Variants in RSPH3 observed in about 807,000 individuals in gnomAD.
RSPH3 encodes radial spoke head protein 3 homolog.
RSPH3 carries 21 observed loss-of-function variants against 43.8 expected under a neutral mutation model. The observed-to-expected ratio is 0.48, with a 90% CI of 0.34 to 0.69. The LOEUF is 0.69. RSPH3 is among the 30% of genes least tolerant of loss of function. RSPH3 has a pLI of 0.01. For missense variants in RSPH3, 487 were observed against 516.0 expected (o/e 0.94, Z 0.54); for synonymous variants, 173 against 179.8 (o/e 0.96, Z 0.30).
At chr6:158,995,695 T>A (rs538378971) in intron 1 of RSPH3, among the ~76,000 whole-genome samples, 1 of 152,032 alleles carries the variant, frequency 6.6e-6, no homozygotes, top group Non-Finnish European at 1.5e-5. Flanking sequence ...CCTGGGTTCA[T>A]GCCATTCTCC....
At chr6:158,992,843 T>C (rs1778462470) in intron 2 of RSPH3, among the ~76,000 whole-genome samples, 1 of 152,182 alleles carries the variant, frequency 6.6e-6, no homozygotes, top group Non-Finnish European at 1.5e-5. Flanking sequence ...CTCTGTATCC[T>C]AGGTACCCAG....
At chr6:158,993,616 A>G (rs1255832262) in intron 2 of RSPH3, among the ~76,000 whole-genome samples, 1 of 152,018 alleles carries the variant, frequency 6.6e-6, no homozygotes, top group Non-Finnish European at 1.5e-5. Flanking sequence ...CTCTACACTC[A>G]TTAAACAATA....
the RSPH3 span, among the ~76,000 whole-genome samples, chr6:158,963,833 C>T: frequency 2.6e-5 from 4 of 152,102 alleles, no homozygotes; most frequent in Non-Finnish European, 5.9e-5. Context: ...CTCAAGCAAT[C>T]CTCTTGCCTT....
chr6:158,996,532 C>T (rs1778603106), intron 1 of RSPH3, among the ~76,000 whole-genome samples: 1 of 152,176 alleles, frequency 6.6e-6, no homozygotes, highest in African/African-American at 2.4e-5. Context: ...TAAAACTTCA[C>T]AGCTTTCCAA....
At chr6:158,993,775 GA>G in intron 2 of RSPH3, 63 bp downstream of exon 2, 4 of 864,448 alleles carry the variant, frequency 4.6e-6, no homozygotes, top group Non-Finnish European at 7.5e-6. Context: ...TTAACACCAA[GA>G]AACTGATCCT....
At chr6:158,980,695 A>C (rs903816273) in intron 6 of RSPH3, 79 bp downstream of exon 6, 1 of 1,188,850 alleles carries the variant, frequency 8.4e-7, no homozygotes, top group Non-Finnish European at 1.2e-6. Context: ...TTCAAAATAA[A>C]AATGGACATA....
Position 158,977,508 on chromosome 6 carries a change from G to A in RSPH3, c.*30C>T, listed in dbSNP as rs1237755012. The A allele has an allele frequency of 6.4e-7, 1 of 1,558,712 alleles. No individual in the cohort carries two copies. Among genetic ancestry groups the A allele is most frequent in the Middle Eastern group, 1.7e-4 (1 of 5,838 alleles). On this transcript the variant is annotated 3_prime_UTR_variant, in exon 8 of 8. Coordinates refer to ENST00000367069, the MANE Select transcript of RSPH3 (RefSeq NM_031924.8). Reference sequence around the variant, plus strand: ...CTGATTGCTTGCTGACTTGGCTGTTGATTGGTTTCATGACTTTGAAGCTTC... The same window carrying A: ...CTGATTGCTTGCTGACTTGGCTGTTAATTGGTTTCATGACTTTGAAGCTTC...
rs550698943 is a variant in RSPH3, at chr6:158,980,834, G to A, written c.799C>T (p.Leu267Phe). The change falls in exon 6 of 8, where the codon CTC becomes TTC. Residue 267 changes from leucine (L) to phenylalanine (F), a missense_variant. Physicochemically the swap from Leu to Phe is conservative, Grantham distance 22. Transcript: ENST00000367069. ...AFAQRYLADL[L>F]PSVFGSLRDS... is the part of the protein sequence containing the mutation. ...CTGAGGCTGCCAAAAACAGACGGGA[G>A]AAGGTCAGCCAGGTAACGCTGTGCA... The A allele has an allele frequency of 2.7e-5, 44 of 1,614,154 alleles. No individual in the cohort carries two copies. In the South Asian group the frequency reaches 4.6e-4, roughly 17 times the overall value.
chr6:158,999,349 C>G, intron 1 of RSPH3, 86 bp downstream of exon 1: 1 of 1,293,460 alleles, frequency 7.7e-7, no homozygotes, highest in Non-Finnish European at 1.0e-6. Flanking sequence ...GCATAAGCAG[C>G]TTTTTTGCCA....
intron 4 of RSPH3, 151 bp downstream of exon 4, chr6:158,983,511 A>G: frequency 1.4e-6 from 1 of 691,482 alleles, no homozygotes; most frequent in South Asian, 1.6e-5. Context: ...TGAGTACTAT[A>G]TGATAAAACC....
In RSPH3 at chr6:159,000,070, C is replaced by T; in HGVS notation, c.-520G>A. 1.6e-6 allele frequency: 2 copies of T among 1,279,536 alleles called. No homozygotes were observed. Among genetic ancestry groups the T allele is most frequent in the Non-Finnish European group, 2.1e-6 (2 of 941,070 alleles). The allele number at this position is 1,279,536 out of a possible 1,614,324, so 79.3% of individuals were successfully genotyped here. A position where few individuals can be genotyped will look rare whatever the true frequency, so the allele number is the denominator to read the frequency against. ...TGTTGGCGCCATTCTCGCAGGCCCA[C>T]GTGCTCCTGCTCTTCCAGGGTGTCC... On this transcript the variant is annotated 5_prime_UTR_variant, in exon 1 of 8. In the 5' UTR this introduces an upstream ATG that the reference lacks. Transcript: ENST00000367069.
intron 2 of RSPH3, among the ~76,000 whole-genome samples, chr6:158,990,995 A>G (rs1778387192): frequency 6.6e-6 from 1 of 151,090 alleles, no homozygotes; most frequent in Non-Finnish European, 1.5e-5. Context: ...TTTCCAATGT[A>G]CTACTGAGTC....
intron 6 of RSPH3, among the ~76,000 whole-genome samples, chr6:158,980,209 C>T (rs1242618243): frequency 1.3e-5 from 2 of 152,138 alleles, no homozygotes; most frequent in East Asian, 3.9e-4. Context: ...CCAAGGCAGG[C>T]GGATCACTTG....
At position 158,999,981 on chromosome 6, in the gene RSPH3, G is replaced by T. The variant is rs990850821; in HGVS notation, c.-431C>A. 25 of 1,574,948 alleles carry T rather than the reference G, an allele frequency of 1.6e-5. No homozygotes were observed. The highest frequency in any genetic ancestry group is 1.9e-5 in the Non-Finnish European group (22 of 1,159,266). The stretch of plus-strand genomic sequence containing the variant: ...CTTGGCTGGCTTGACCGTCATCCTT[G>T]AGGCCTGCGGGGCAACGGTGGCTGT... On this transcript the variant is annotated 5_prime_UTR_variant, in exon 1 of 8. Transcript: ENST00000367069.
chr6:158,983,496 A>C (rs1778108107), intron 4 of RSPH3, among the ~76,000 whole-genome samples, 166 bp downstream of exon 4: 1 of 152,204 alleles, frequency 6.6e-6, no homozygotes, highest in African/African-American at 2.4e-5. Flanking sequence ...ATGTTAAAAC[A>C]TTTCTGAGTA....
At position 158,977,627 on chromosome 6, in the gene RSPH3, C is replaced by T. The variant is rs1277702717; in HGVS notation, c.1168G>A (p.Glu390Lys). 6.2e-7 allele frequency: 1 copy of T among 1,614,022 alleles called. No homozygotes were observed. Among genetic ancestry groups the T allele is most frequent in the African/African-American group, 1.3e-5 (1 of 74,916 alleles). The change falls in exon 8 of 8, where the codon GAA becomes AAA. Residue 390 changes from glutamate (E) to lysine (K), a missense_variant. Physicochemically the swap from Glu to Lys is moderately conservative, Grantham distance 56 (BLOSUM62 1). Transcript: ENST00000367069. The stretch of plus-strand genomic sequence containing the variant: ...TCTCTCTCTTCCATAAACTTCCTTT[C>T]CTGGGATGACCTTCTGTCATATGTT... ...RTTYDRRSSQ[E>K]RKFMEERELL...
intron 5 of RSPH3, among the ~76,000 whole-genome samples, chr6:158,982,201 G>A (rs1250459352): frequency 1.3e-5 from 2 of 152,134 alleles, no homozygotes; most frequent in Non-Finnish European, 2.9e-5. Flanking sequence ...ATTTAAGAGA[G>A]TCTTCCAACT....
chr6:158,978,775 G>A (rs541392298), intron 6 of RSPH3, among the ~76,000 whole-genome samples: 2 of 152,244 alleles, frequency 1.3e-5, no homozygotes, highest in South Asian at 2.1e-4. Flanking sequence ...TCCTGACATC[G>A]TGATTCACCC....
At chr6:158,998,198 T>C (rs1161920263) in intron 1 of RSPH3, among the ~76,000 whole-genome samples, 2 of 144,030 alleles carry the variant, frequency 1.4e-5, no homozygotes, top group Admixed American at 7.1e-5. Flanking sequence ...AGGCCTGTAA[T>C]CCCAGCATTT....
Sources: allele counts gnomAD v4.1 joint callset (sites outside exome capture counted in the v4.1 genomes callset), GRCh38; gene constraint gnomAD v4.1.1; transcripts MANE v1.5; gene names NCBI Gene and HGNC (gene_info 2026-07-23, HGNC 2026-07-21).